DSCAM: variants seen among roughly 807,000 people sequenced by gnomAD.
The protein encoded by DSCAM is DS cell adhesion molecule, also known as cell adhesion molecule DSCAM.
A neutral mutation model predicts 217.7 loss-of-function variants in DSCAM; 47 were observed. The ratio of observed to expected loss-of-function variants is 0.22; its 90% CI spans 0.17 to 0.28. The LOEUF (loss-of-function observed/expected upper bound fraction) is 0.28. DSCAM is among the 10% of genes least tolerant of loss of function. DSCAM has a pLI of 1.00. For missense variants in DSCAM, 2,080 were observed against 2,618.3 expected, an observed-to-expected ratio of 0.79 and a Z score of 4.49; for synonymous variants, 1,056 against 1,015.3, an observed-to-expected ratio of 1.04 and a Z score of -0.76.
chr21:40,637,657 A>C (rs1194434683), intron 3 of DSCAM, among the ~76,000 whole-genome samples: 2 of 124,526 alleles, frequency 1.6e-5, no homozygotes, highest in Non-Finnish European at 3.2e-5. Context: ...ATATCTATAT[A>C]TATATATATA....
intron 32 of DSCAM, among the ~76,000 whole-genome samples, chr21:40,029,218 T>G (rs149240758): frequency 2.6e-4 from 40 of 152,238 alleles, no homozygotes; most frequent in Admixed American, 7.2e-4. Flanking sequence ...TTCTTCTTCT[T>G]ATGATGTTTA....
At chr21:40,337,992 A>G (rs963497725) in intron 8 of DSCAM, 109 bp downstream of exon 8, 1 of 1,360,002 alleles carries the variant, frequency 7.4e-7, no homozygotes, top group Non-Finnish European at 1.0e-6. Flanking sequence ...CTGTACAATT[A>G]TCCTGCTCTA....
At chr21:40,335,612 T>C (rs2074422515) in intron 8 of DSCAM, among the ~76,000 whole-genome samples, 1 of 152,184 alleles carries the variant, frequency 6.6e-6, no homozygotes, top group Non-Finnish European at 1.5e-5. Flanking sequence ...TTCTGGAAAT[T>C]TTTCTCGAAA....
chr21:40,524,393 T>G (rs2076383908), intron 3 of DSCAM, among the ~76,000 whole-genome samples: 1 of 152,156 alleles, frequency 6.6e-6, no homozygotes, highest in Non-Finnish European at 1.5e-5. Context: ...TTTCTTTGCT[T>G]GATAAAGTAA....
In DSCAM at chr21:40,775,810, TGAAA is replaced by T. The variant is rs199659868; in HGVS notation, c.44-67043_44-67040del. Among the ~76,000 whole-genome samples the T allele has an allele frequency of 7.7e-3, 1,180 of 152,320 alleles. 19 individuals carry two copies. The highest frequency in any genetic ancestry group is 0.027 in the African/African-American group (1,130 of 41,574). ...TGTCCTTTTTGTACATTTGTATCTG[TGAAA>T]GATGCAATTTCTGGAGATCTTGGTT... On this transcript the variant is annotated intron_variant, in intron 1 of 32. Transcript: ENST00000400454.
intron 23 of DSCAM, among the ~76,000 whole-genome samples, chr21:40,084,709 C>T (rs1470396496): frequency 6.6e-5 from 10 of 151,866 alleles, no homozygotes; most frequent in Admixed American, 6.6e-4. Flanking sequence ...ATATAGAAAG[C>T]TTCATATAAA....
chr21:40,014,218 C>G (rs2088115344), intron 32 of DSCAM, among the ~76,000 whole-genome samples: 1 of 152,132 alleles, frequency 6.6e-6, no homozygotes, highest in Admixed American at 6.5e-5. Flanking sequence ...TGGCAAAACC[C>G]CCTCTCTACT....
chr21:40,141,975 T>TATACACACACACACACAC (rs1555883015), intron 18 of DSCAM, among the ~76,000 whole-genome samples: 22 of 143,204 alleles, frequency 1.5e-4, no homozygotes, highest in Admixed American at 1.2e-3. Flanking sequence ...CCACTTGAAA[T>TATACACACACACACACAC]ACACACACAC....
At chr21:40,820,879 A>T (rs1312896211) in intron 1 of DSCAM, among the ~76,000 whole-genome samples, 1 of 151,966 alleles carries the variant, frequency 6.6e-6, no homozygotes, top group Non-Finnish European at 1.5e-5. Flanking sequence ...GAGCACAATA[A>T]TAGATTATAA....
intron 11 of DSCAM, among the ~76,000 whole-genome samples, chr21:40,229,573 C>T (rs1305884325): frequency 6.6e-6 from 1 of 152,158 alleles, no homozygotes; most frequent in African/African-American, 2.4e-5. Flanking sequence ...ATTGTTTTGC[C>T]TTTTTCAGAA....
At position 40,356,303 on chromosome 21, in the gene DSCAM, T is replaced by C. The variant is rs545881205; in HGVS notation, c.656-2560A>G. ...TTGCAAAGACAGTTGATCTTAAACA[T>C]TGTCATCACATACACACACATACAT... On this transcript the variant is annotated intron_variant, in intron 4 of 32. Transcript: ENST00000400454. 6.3e-4 allele frequency among the ~76,000 whole-genome samples: 95 copies of C among 151,996 alleles called. No homozygotes were observed. The South Asian group carries it at 0.018, about 29-fold the overall frequency.
chr21:40,513,420 A>T (rs2076275873), intron 3 of DSCAM: 1 of 152,264 alleles, frequency 6.6e-6, no homozygotes, highest in Admixed American at 6.5e-5. Flanking sequence ...TTTACAAAGA[A>T]AAGATTGATT....
intron 3 of DSCAM, among the ~76,000 whole-genome samples, chr21:40,494,303 G>A (rs1001041834): frequency 1.3e-5 from 2 of 152,192 alleles, no homozygotes; most frequent in Non-Finnish European, 2.9e-5. Flanking sequence ...TGTGCTGCTT[G>A]TAAGACAGTC....
chr21:40,224,108 TG>T (rs1221001872), intron 11 of DSCAM, among the ~76,000 whole-genome samples: 2 of 152,226 alleles, frequency 1.3e-5, no homozygotes, highest in Non-Finnish European at 2.9e-5. Flanking sequence ...GGTATAAAAA[TG>T]GGGATTTTTT....
rs913332337 is a variant in DSCAM, at chr21:40,659,694, C to T, written c.508+33116G>A. Among the ~76,000 whole-genome samples the T allele has an allele frequency of 8.5e-5, 13 of 152,118 alleles. No individual in the cohort carries two copies. In the East Asian group the frequency reaches 9.6e-4, roughly 11 times the overall value. ...ATCTGCCTATCTGTCTATCTATTAT[C>T]TATCTATGTATCTATCGATCGATCC... is the stretch of plus-strand genomic sequence containing the variant. On this transcript the variant is annotated intron_variant, in intron 3 of 32. Transcript: ENST00000400454.
At chr21:40,455,157 C>T (rs1270695142) in intron 3 of DSCAM, among the ~76,000 whole-genome samples, 2 of 152,048 alleles carry the variant, frequency 1.3e-5, no homozygotes, top group Non-Finnish European at 2.9e-5. Context: ...GGATTGATAT[C>T]AATGTAATGT....
In DSCAM at chr21:40,650,726, C is replaced by T. The variant is rs538211539; in HGVS notation, c.508+42084G>A. The stretch of plus-strand genomic sequence containing the variant: ...GTCAGTAGTTCAAGACCAGCCTGGC[C>T]AATATGATGAAACCCCATCTCTACT... On this transcript the variant is annotated intron_variant, in intron 3 of 32. Coordinates refer to ENST00000400454, the MANE Select transcript of DSCAM (RefSeq NM_001389.5). Among the ~76,000 whole-genome samples the T allele has an allele frequency of 2.0e-5, 3 of 152,246 alleles. No individual in the cohort carries two copies. In the South Asian group the frequency reaches 6.2e-4, roughly 32 times the overall value.
At chr21:40,495,517 TA>T (rs2076111108) in intron 3 of DSCAM, among the ~76,000 whole-genome samples, 1 of 152,126 alleles carries the variant, frequency 6.6e-6, no homozygotes, top group African/African-American at 2.4e-5. Flanking sequence ...AAATTAGGTA[TA>T]GAAAGAATGT....
intron 11 of DSCAM, among the ~76,000 whole-genome samples, chr21:40,240,766 T>C (rs573633683): frequency 2.0e-4 from 31 of 152,312 alleles, no homozygotes; most frequent in Non-Finnish European, 2.5e-4. Context: ...CAGGCATGCA[T>C]GCCATTTGTG....
Sources: gnomAD v4.1 joint callset for allele counts (sites outside exome capture counted in the v4.1 genomes callset) on GRCh38, gnomAD v4.1.1 for gene constraint, MANE v1.5 for transcripts, NCBI Gene and HGNC (gene_info 2026-07-23, HGNC 2026-07-21) for gene names.